The following UCHL3 variants were observed in gnomAD, a reference collection of about 807,000 sequenced individuals.
UCHL3 encodes ubiquitin carboxyl-terminal hydrolase isozyme L3.
UCHL3 carries 22 observed loss-of-function variants against 35.8 expected under a neutral mutation model. The observed-to-expected ratio is 0.61, with a 90% CI of 0.44 to 0.88. The LOEUF (loss-of-function observed/expected upper bound fraction) is 0.88. Ranked by LOEUF, UCHL3 falls within the 40% of genes least tolerant of loss-of-function variation. The pLI is 0.00. For synonymous variants in UCHL3, 90 were observed against 92.8 expected (o/e 0.97, Z 0.17); for missense variants, 229 against 276.9 (o/e 0.83, Z 1.23).
At chr13:75,585,934 AG>A (rs2032310700) in intron 6 of UCHL3, among the ~76,000 whole-genome samples, 1 of 152,068 alleles carries the variant, frequency 6.6e-6, no homozygotes, top group African/African-American at 2.4e-5. Flanking sequence ...TAATGCAAAA[AG>A]CAGAAAAGTA....
chr13:75,576,537 G>T (rs2032029973), intron 6 of UCHL3, among the ~76,000 whole-genome samples: 1 of 151,952 alleles, frequency 6.6e-6, no homozygotes, highest in Non-Finnish European at 1.5e-5. Context: ...TGTGTTTTTA[G>T]TAGAGACAGG....
At chr13:75,594,416 A>G (rs1566229089) in intron 6 of UCHL3, among the ~76,000 whole-genome samples, 1 of 152,332 alleles carries the variant, frequency 6.6e-6, no homozygotes, top group East Asian at 1.9e-4. Flanking sequence ...TTTACACTGC[A>G]CTGTTGAAAC....
intron 6 of UCHL3, among the ~76,000 whole-genome samples, chr13:75,575,796 G>A (rs2032001766): frequency 1.3e-5 from 2 of 152,310 alleles, no homozygotes; most frequent in Admixed American, 6.5e-5. Context: ...CTGTCACCCA[G>A]GCTGGAGTGC....
chr13:75,574,278 C>A (rs1014039268), intron 6 of UCHL3, among the ~76,000 whole-genome samples: 17 of 151,696 alleles, frequency 1.1e-4, no homozygotes, highest in Admixed American at 1.1e-3. Context: ...GTAGGTCCTT[C>A]TGTATTTTTT....
chr13:75,552,543 A>G (rs1410176767), intron 2 of UCHL3, among the ~76,000 whole-genome samples: 1 of 152,216 alleles, frequency 6.6e-6, no homozygotes, highest in Non-Finnish European at 1.5e-5. Flanking sequence ...TTAGCTAGTA[A>G]CCATGTGTCT....
upstream of UCHL3, chr13:75,549,772 G>T (rs779137098): frequency 1.9e-6 from 2 of 1,055,938 alleles, no homozygotes; most frequent in Non-Finnish European, 2.3e-6. Context: ...AAGCGGCGGC[G>T]GCGGCGAAGG....
chr13:75,578,325 CCT>C (rs1321400939), intron 6 of UCHL3, among the ~76,000 whole-genome samples: 1 of 151,720 alleles, frequency 6.6e-6, no homozygotes, highest in Non-Finnish European at 1.5e-5. Flanking sequence ...ATTGAATATC[CCT>C]GTTATCTAAG....
At chr13:75,570,538 A>C (rs2031823543) in intron 6 of UCHL3, among the ~76,000 whole-genome samples, 1 of 152,186 alleles carries the variant, frequency 6.6e-6, no homozygotes, top group South Asian at 2.1e-4. Flanking sequence ...GCCCAGCCGA[A>C]ACCACACTTT....
chr13:75,603,454 G>T (rs958258151), intron 7 of UCHL3, among the ~76,000 whole-genome samples: 2 of 151,996 alleles, frequency 1.3e-5, no homozygotes, highest in African/African-American at 4.8e-5. Flanking sequence ...ATATAAGTGA[G>T]GCCCTGTCTC....
At chr13:75,602,908 G>A (rs1175755302) in intron 7 of UCHL3, among the ~76,000 whole-genome samples, 1 of 152,124 alleles carries the variant, frequency 6.6e-6, no homozygotes, top group African/African-American at 2.4e-5. Context: ...TATAATAATT[G>A]AAATTAATTA....
chr13:75,576,502 G>A (rs748678040), intron 6 of UCHL3, among the ~76,000 whole-genome samples: 6 of 151,528 alleles, frequency 4.0e-5, no homozygotes, highest in Non-Finnish European at 4.4e-5. Context: ...CTACAGGCGC[G>A]TGCCACCACA....
chr13:75,600,065 CA>C (rs1482749119), intron 7 of UCHL3, among the ~76,000 whole-genome samples: 2 of 152,214 alleles, frequency 1.3e-5, no homozygotes, highest in African/African-American at 4.8e-5. Flanking sequence ...AAACTAGCTA[CA>C]ACATTTTCTT....
intron 6 of UCHL3, among the ~76,000 whole-genome samples, chr13:75,579,588 C>A (rs897532747): frequency 1.3e-5 from 2 of 151,986 alleles, no homozygotes; most frequent in African/African-American, 2.4e-5. Context: ...TTTCCTCCCC[C>A]CTTCTTTCTT....
At chr13:75,561,558 G>A (rs68044755) in intron 3 of UCHL3, among the ~76,000 whole-genome samples, 16,774 of 150,486 alleles carry the variant, frequency 0.11, 1,178 homozygotes, top group Non-Finnish European at 0.16. Flanking sequence ...ATATATATAA[G>A]GAATCTTCTT....
intron 6 of UCHL3, among the ~76,000 whole-genome samples, chr13:75,584,426 A>G (rs1023030631): frequency 1.3e-5 from 2 of 152,246 alleles, no homozygotes; most frequent in African/African-American, 4.8e-5. Context: ...GTTATGCCAG[A>G]TAAATTTTAA....
intron 7 of UCHL3, among the ~76,000 whole-genome samples, chr13:75,598,668 G>A (rs527827383): frequency 2.6e-5 from 4 of 152,250 alleles, no homozygotes; most frequent in South Asian, 2.1e-4. Flanking sequence ...ATAATGCTGC[G>A]TTCTTCTCAG....
intron 7 of UCHL3, among the ~76,000 whole-genome samples, chr13:75,603,243 C>G (rs2032827416): frequency 6.6e-6 from 1 of 152,194 alleles, no homozygotes; most frequent in Admixed American, 6.5e-5. Flanking sequence ...TCTTAAATTA[C>G]AGGTGTGAGC....
intron 3 of UCHL3, among the ~76,000 whole-genome samples, chr13:75,564,308 G>A (rs997238152): frequency 1.3e-5 from 2 of 151,792 alleles, no homozygotes; most frequent in African/African-American, 2.4e-5. Flanking sequence ...CTGCCACCAC[G>A]CCCGGCTTAT....
At chr13:75,564,140 T>C (rs1196512876) in intron 3 of UCHL3, among the ~76,000 whole-genome samples, 2 of 151,896 alleles carry the variant, frequency 1.3e-5, no homozygotes, top group African/African-American at 4.8e-5. Context: ...GCAGTGAACA[T>C]GGAAGTGCAG....
Sources: gnomAD v4.1 joint callset for allele counts (sites outside exome capture counted in the v4.1 genomes callset) on GRCh38, gnomAD v4.1.1 for gene constraint, MANE v1.5 for transcripts, NCBI Gene and HGNC (gene_info 2026-07-23, HGNC 2026-07-21) for gene names.